Variants in PDS5B observed in about 807,000 individuals in gnomAD.
The protein encoded by PDS5B is PDS5 cohesin associated factor B, also known as sister chromatid cohesion protein PDS5 homolog B.
Under a neutral mutation model 184.1 loss-of-function variants are expected in PDS5B, and 51 were observed. The ratio of observed to expected loss-of-function variants is 0.28; its 90% CI spans 0.22 to 0.35. The LOEUF is 0.35. Among genes scored for constraint, PDS5B ranks in the 10% least tolerant of loss-of-function variants. The pLI, the probability that PDS5B is intolerant of heterozygous loss-of-function variation, is 1.00. For missense variants in PDS5B, 1,180 were observed against 1,723.3 expected, an observed-to-expected ratio of 0.68 and a Z score of 5.58; for synonymous variants, 566 against 569.2, an observed-to-expected ratio of 0.99 and a Z score of 0.08.
chr13:32,748,198 TCTC>T (rs962093083), intron 24 of PDS5B, among the ~76,000 whole-genome samples: 13 of 152,202 alleles, frequency 8.5e-5, no homozygotes, highest in Non-Finnish European at 1.3e-4. Context: ...CATATGCTCA[TCTC>T]CTCTTTTTAA....
chr13:32,715,665 G>A (rs1001590264), intron 19 of PDS5B, among the ~76,000 whole-genome samples: 8 of 151,080 alleles, frequency 5.3e-5, no homozygotes, highest in Non-Finnish European at 7.4e-5. Flanking sequence ...CTCTCCCCAC[G>A]GTCTCCCTCT....
At chr13:32,760,830 AT>A in intron 30 of PDS5B, 110 bp downstream of exon 30, 2 of 1,043,756 alleles carry the variant, frequency 1.9e-6, no homozygotes, top group Non-Finnish European at 2.7e-6. Flanking sequence ...AAAGTAATGT[AT>A]TACTTAATTT....
In PDS5B at chr13:32,758,515, T is replaced by A. The variant is rs548565642; in HGVS notation, c.3190-19T>A. 3.0e-5 allele frequency: 48 copies of A among 1,601,034 alleles called. No individual in the cohort carries two copies. The Admixed American group carries it at 4.0e-4, about 13-fold the overall frequency. ...TTGCCAGCTTAAGTATCTGTGTTTT[T>A]AAAAATATACTATTGCAGAAACTGT... On this transcript the variant is annotated intron_variant, in intron 27 of 34. Coordinates refer to ENST00000315596, the MANE Select transcript of PDS5B (RefSeq NM_015032.4).
rs138160680 is a variant in PDS5B, at chr13:32,688,231, G to A, written c.1356-225G>A. ...TAATGTGCCCAACATCCTGAAGATGGTAGTTGTCTTAGCTGGGTGTAGGGC... is the reference window on the plus strand; with the variant it reads ...TAATGTGCCCAACATCCTGAAGATGATAGTTGTCTTAGCTGGGTGTAGGGC... On this transcript the variant is annotated intron_variant, in intron 12 of 34. Coordinates refer to ENST00000315596, the MANE Select transcript of PDS5B (RefSeq NM_015032.4). Among the ~76,000 whole-genome samples the A allele has an allele frequency of 3.8e-3, 581 of 151,872 alleles. 3 individuals carry two copies. The highest frequency in any genetic ancestry group is 6.0e-3 in the Non-Finnish European group (407 of 67,776).
intron 8 of PDS5B, 89 bp downstream of exon 8, chr13:32,673,445 C>CTGAA (rs1010209722): frequency 3.1e-5 from 34 of 1,089,034 alleles, no homozygotes; most frequent in Middle Eastern, 5.5e-4. Context: ...GTAGTTTTAA[C>CTGAA]TGAATGTAAG....
intron 33 of PDS5B, 193 bp downstream of exon 33, chr13:32,770,954 A>C (rs1954764500): frequency 1.7e-6 from 1 of 582,022 alleles, no homozygotes; most frequent in Non-Finnish European, 3.1e-6. Context: ...TTACAGGTGC[A>C]GGCAAATCTT....
rs1253606411 is a variant in PDS5B, at chr13:32,775,455, T to C, written c.*403T>C. On this transcript the variant is annotated 3_prime_UTR_variant, in exon 35 of 35. Transcript: ENST00000315596. ...AGGATAGATCTTAAGCAGTAATCTG[T>C]CAGTGTTTGTATTTGTATTCTCTGC... The C allele has an allele frequency of 8.9e-6, 3 of 336,442 alleles. No individual in the cohort carries two copies. The highest frequency in any genetic ancestry group is 4.8e-5 in the South Asian group (2 of 41,814). The allele number at this position is 336,442 out of a possible 1,614,324, so 20.8% of individuals were successfully genotyped here.
At chr13:32,676,822 A>G (rs1220773402) in intron 9 of PDS5B, among the ~76,000 whole-genome samples, 2 of 150,270 alleles carry the variant, frequency 1.3e-5, no homozygotes, top group Admixed American at 6.7e-5. Context: ...TCCCAGCTAC[A>G]TGGGAGGCTG....
At position 32,678,874 on chromosome 13, in the gene PDS5B, G is replaced by A. The variant is rs1593407430; in HGVS notation, c.1002G>A (p.Val334=). 1 of 1,610,180 alleles carries A rather than the reference G, an allele frequency of 6.2e-7. No homozygotes were observed. The highest frequency in any genetic ancestry group is 8.5e-7 in the Non-Finnish European group (1 of 1,176,606). ...ATGTACCAATCCGCCTGGAATGTGT[G>A]AAATTTGCTAGCCATTGTCTCATGA... is the stretch of plus-strand genomic sequence containing the variant. ...DIHVPIRLEC[V]KFASHCLMNH... Residue 334 remains valine, a synonymous_variant, in exon 10 of 35, where the codon GTG becomes GTA. Coordinates refer to ENST00000315596, the MANE Select transcript of PDS5B (RefSeq NM_015032.4).
chr13:32,679,541 CA>C (rs2140790384), intron 10 of PDS5B, among the ~76,000 whole-genome samples: 1 of 151,960 alleles, frequency 6.6e-6, no homozygotes, highest in African/African-American at 2.4e-5. Flanking sequence ...GAGGCTGAGG[CA>C]GGAGAATTGC....
At chr13:32,633,355 A>G (rs1462467234) in intron 1 of PDS5B, among the ~76,000 whole-genome samples, 1 of 152,220 alleles carries the variant, frequency 6.6e-6, no homozygotes, top group African/African-American at 2.4e-5. Context: ...AAACTATTGA[A>G]TTGTACACTC....
Position 32,775,090 on chromosome 13 carries a change from G to GA in PDS5B, c.*43dup, listed in dbSNP as rs746263815. On this transcript the variant is annotated 3_prime_UTR_variant, in exon 35 of 35. Coordinates refer to ENST00000315596, the MANE Select transcript of PDS5B (RefSeq NM_015032.4). ...AATAACTTTCTCTGTGAAAGCTTTG[G>GA]AAAAATCTTTTTTTTTTTTTTTGGT... The GA allele has an allele frequency of 6.4e-6, 5 of 780,948 alleles. No individual in the cohort carries two copies. In the African/African-American group the frequency reaches 1.3e-4, roughly 21 times the overall value. The allele number at this position is 780,948 out of a possible 1,614,324, so 48.4% of individuals were successfully genotyped here. A position where few individuals can be genotyped will look rare whatever the true frequency, so the allele number is the denominator to read the frequency against.
intron 13 of PDS5B, chr13:32,690,270 A>T (rs978584320): frequency 6.6e-6 from 1 of 152,220 alleles, no homozygotes; most frequent in East Asian, 1.9e-4. Flanking sequence ...CCTCCTTCCT[A>T]TGGTCCTACC....
At chr13:32,711,805 A>G (rs1463166562) in intron 19 of PDS5B, among the ~76,000 whole-genome samples, 1 of 151,852 alleles carries the variant, frequency 6.6e-6, no homozygotes, top group African/African-American at 2.4e-5. Flanking sequence ...TGTAGTACGT[A>G]TACATACCCA....
In PDS5B at chr13:32,775,789, A is replaced by G. The variant is rs1380441186; in HGVS notation, c.*737A>G. ...GAAAATTTTAAGAAGAAAGATTTAA[A>G]GTATTTTAATTTTAAAGAGTGTGTT... On this transcript the variant is annotated 3_prime_UTR_variant, in exon 35 of 35. Coordinates refer to ENST00000315596, the MANE Select transcript of PDS5B (RefSeq NM_015032.4). 7.9e-6 allele frequency: 3 copies of G among 382,032 alleles called. No homozygotes were observed. The highest frequency in any genetic ancestry group is 4.3e-5 in the African/African-American group (2 of 46,816). 23.7% of individuals were successfully genotyped at this position (382,032 alleles called of 1,614,324 possible).
At chr13:32,721,233 C>T (rs1331497471) in intron 19 of PDS5B, among the ~76,000 whole-genome samples, 2 of 151,714 alleles carry the variant, frequency 1.3e-5, no homozygotes, top group African/African-American at 4.8e-5. Context: ...CAGAGGCGAC[C>T]CCCACCTCCC....
intron 1 of PDS5B, among the ~76,000 whole-genome samples, chr13:32,617,790 A>G (rs1386643537): frequency 3.3e-5 from 5 of 152,222 alleles, no homozygotes; most frequent in Non-Finnish European, 1.5e-5. Context: ...CTTCTTTTGC[A>G]GTGTGCTGCT....
chr13:32,606,132 C>G (rs904761348), intron 1 of PDS5B, among the ~76,000 whole-genome samples: 4 of 152,172 alleles, frequency 2.6e-5, no homozygotes, highest in African/African-American at 9.7e-5. Flanking sequence ...GGTTATTTTG[C>G]TCATTAGTTG....
intron 1 of PDS5B, among the ~76,000 whole-genome samples, chr13:32,645,728 A>G (rs543311825): frequency 6.6e-6 from 1 of 152,192 alleles, no homozygotes; most frequent in Non-Finnish European, 1.5e-5. Flanking sequence ...TTGTTGAAGT[A>G]TAACATACAT....
Sources: allele counts gnomAD v4.1 joint callset (sites outside exome capture counted in the v4.1 genomes callset), GRCh38; gene constraint gnomAD v4.1.1; transcripts MANE v1.5; gene names NCBI Gene and HGNC (gene_info 2026-07-23, HGNC 2026-07-21).